Variants in TBL1XR1 observed in about 807,000 individuals in gnomAD.
TBL1XR1 encodes the protein TBL1X/Y related 1, also known as F-box-like/WD repeat-containing protein TBL1XR1.
Under a neutral mutation model 66.9 loss-of-function variants are expected in TBL1XR1, and 5 were observed. The ratio of observed to expected loss-of-function variants is 0.07; its 90% CI spans 0.04 to 0.16. The LOEUF (loss-of-function observed/expected upper bound fraction) is 0.16, where lower values mean the gene tolerates loss of function less well. Ranked by LOEUF, TBL1XR1 falls within the 10% of genes least tolerant of loss-of-function variation. The pLI, the probability that TBL1XR1 is intolerant of heterozygous loss-of-function variation, is 1.00. For missense variants in TBL1XR1, 238 were observed against 623.2 expected (o/e 0.38, Z 6.58); for synonymous variants, 210 against 206.0 (o/e 1.02, Z -0.17).
chr3:177,190,388 T>C (rs1170426140), intron 1 of TBL1XR1, among the ~76,000 whole-genome samples: 1 of 152,176 alleles, frequency 6.6e-6, no homozygotes, highest in Non-Finnish European at 1.5e-5. Context: ...CAATCTCAGT[T>C]CACTGCAGCC....
At chr3:177,033,682 G>A (rs1438064789) in intron 13 of TBL1XR1, among the ~76,000 whole-genome samples, 1 of 152,090 alleles carries the variant, frequency 6.6e-6, no homozygotes, top group Non-Finnish European at 1.5e-5. Context: ...ACCGACGTAA[G>A]TGCCCATCAG....
intron 2 of TBL1XR1, among the ~76,000 whole-genome samples, chr3:177,094,616 C>T (rs1723230883): frequency 1.3e-5 from 2 of 152,168 alleles, no homozygotes; most frequent in South Asian, 2.1e-4. Context: ...TGTGTATATA[C>T]ACCATGGAAT....
intron 1 of TBL1XR1, among the ~76,000 whole-genome samples, chr3:177,143,315 C>T (rs1729846290): frequency 6.6e-6 from 1 of 151,388 alleles, no homozygotes; most frequent in South Asian, 2.1e-4. Flanking sequence ...TTTGCTAAGT[C>T]AGTGTTCAAG....
intron 14 of TBL1XR1, chr3:177,032,486 A>T (rs1195535874): frequency 2.0e-5 from 3 of 152,282 alleles, no homozygotes; most frequent in African/African-American, 7.2e-5. Context: ...GAGAAGATTT[A>T]AAAAATTGAA....
At chr3:177,139,102 C>T (rs1729328056) in intron 1 of TBL1XR1, among the ~76,000 whole-genome samples, 2 of 152,212 alleles carry the variant, frequency 1.3e-5, no homozygotes, top group East Asian at 1.9e-4. Context: ...CAGAAATCAG[C>T]GAACAGACAA....
At chr3:177,092,825 T>C (rs748639084) in intron 2 of TBL1XR1, among the ~76,000 whole-genome samples, 2 of 152,090 alleles carry the variant, frequency 1.3e-5, no homozygotes, top group Non-Finnish European at 2.9e-5. Context: ...TCAAAGAGAT[T>C]TGCACATCCA....
chr3:177,078,954 A>G (rs999236986), intron 2 of TBL1XR1, among the ~76,000 whole-genome samples: 2 of 149,884 alleles, frequency 1.3e-5, no homozygotes, highest in Non-Finnish European at 3.0e-5. Context: ...GTCTCAAAAG[A>G]AAAAAAAAAC....
intron 12 of TBL1XR1, among the ~76,000 whole-genome samples, chr3:177,036,050 C>T (rs1446390722): frequency 2.0e-5 from 3 of 152,166 alleles, no homozygotes; most frequent in Admixed American, 6.5e-5. Context: ...GGTAAACTAC[C>T]CTGCCTTCCT....
At chr3:177,081,752 A>C (rs1272202862) in intron 2 of TBL1XR1, among the ~76,000 whole-genome samples, 2 of 151,956 alleles carry the variant, frequency 1.3e-5, no homozygotes, top group African/African-American at 4.8e-5. Context: ...TCAAAAAAAA[A>C]AAAAAAAAGA....
chr3:177,053,979 CAGAA>C lies in TBL1XR1; in HGVS notation c.59-65_59-62del, dbSNP rs935904209. Reference sequence around the variant, plus strand: ...CCTAGTGGCAACATGCTAAATGACACAGAAAGAAAGATCACCATCATCTTTTCAA... The same window carrying C: ...CCTAGTGGCAACATGCTAAATGACACAGAAAGATCACCATCATCTTTTCAA... On this transcript the variant is annotated intron_variant, in intron 3 of 15. Coordinates refer to ENST00000457928, the MANE Select transcript of TBL1XR1 (RefSeq NM_024665.7). 7.7e-5 allele frequency: 116 copies of C among 1,510,786 alleles called. 2 individuals carry two copies. The South Asian group carries it at 1.1e-3, about 15-fold the overall frequency. The allele number at this position is 1,510,786 out of a possible 1,614,324, so 93.6% of individuals were successfully genotyped here.
At chr3:177,156,884 T>C (rs1731586450) in intron 1 of TBL1XR1, among the ~76,000 whole-genome samples, 1 of 152,114 alleles carries the variant, frequency 6.6e-6, no homozygotes, top group Admixed American at 6.5e-5. Flanking sequence ...GAGGGACAAG[T>C]CAAGCACAAA....
intron 1 of TBL1XR1, among the ~76,000 whole-genome samples, chr3:177,182,760 A>G (rs1734981557): frequency 1.3e-5 from 2 of 152,236 alleles, no homozygotes; most frequent in South Asian, 2.1e-4. Context: ...ACTGTCACGG[A>G]AAGAAGCCTA....
chr3:177,104,940 C>G (rs1033528621), intron 1 of TBL1XR1, among the ~76,000 whole-genome samples: 1 of 152,200 alleles, frequency 6.6e-6, no homozygotes, highest in African/African-American at 2.4e-5. Flanking sequence ...AACTCTCTTA[C>G]AATGACCCAC....
At chr3:177,195,749 A>T (rs943496181) in intron 1 of TBL1XR1, 1 of 152,078 alleles carries the variant, frequency 6.6e-6, no homozygotes, top group Admixed American at 6.6e-5. Context: ...TTCAAACTAA[A>T]AATAACCTGG....
At chr3:177,192,229 T>C (rs928146231) in intron 1 of TBL1XR1, among the ~76,000 whole-genome samples, 1 of 149,932 alleles carries the variant, frequency 6.7e-6, no homozygotes, top group Non-Finnish European at 1.5e-5. Context: ...CTACTAAAAA[T>C]ACAAAAATTA....
chr3:177,090,175 G>C (rs1363834318), intron 2 of TBL1XR1, among the ~76,000 whole-genome samples: 3 of 152,178 alleles, frequency 2.0e-5, no homozygotes, highest in Admixed American at 2.0e-4. Context: ...CTGCTATGAA[G>C]TGATCTCCAG....
intron 1 of TBL1XR1, among the ~76,000 whole-genome samples, chr3:177,118,110 G>A (rs1726532631): frequency 6.6e-6 from 1 of 152,144 alleles, no homozygotes; most frequent in Non-Finnish European, 1.5e-5. Context: ...CAGAGACTCA[G>A]GACATATTAG....
intron 1 of TBL1XR1, among the ~76,000 whole-genome samples, chr3:177,122,654 G>C (rs1025700121): frequency 1.3e-5 from 2 of 152,098 alleles, no homozygotes; most frequent in Non-Finnish European, 2.9e-5. Context: ...AGAGTTCTTG[G>C]ATCAATGGCT....
intron 1 of TBL1XR1, among the ~76,000 whole-genome samples, chr3:177,133,039 A>C (rs1487494869): frequency 6.6e-6 from 1 of 152,248 alleles, no homozygotes; most frequent in Admixed American, 6.5e-5. Context: ...CTGGAATCCC[A>C]GCACTTTCAG....
Sources: allele counts gnomAD v4.1 joint callset (sites outside exome capture counted in the v4.1 genomes callset), GRCh38; gene constraint gnomAD v4.1.1; transcripts MANE v1.5; gene names NCBI Gene and HGNC (gene_info 2026-07-23, HGNC 2026-07-21).